The following KIRREL3 variants were observed in gnomAD, a reference collection of about 807,000 sequenced individuals.
KIRREL3 encodes the protein kin of IRRE-like protein 3.
Under a neutral mutation model 89.7 loss-of-function variants are expected in KIRREL3, and 36 were observed. That is an observed-to-expected ratio of 0.40 (90% CI 0.31 to 0.53). The LOEUF (loss-of-function observed/expected upper bound fraction) is 0.53. Among genes scored for constraint, KIRREL3 ranks in the 20% least tolerant of loss-of-function variants. The pLI is 0.49. For synonymous variants in KIRREL3, 445 were observed against 441.4 expected (o/e 1.01, Z -0.10); for missense variants, 864 against 1,056.6 (o/e 0.82, Z 2.53).
rs528570572 is a variant in KIRREL3, at chr11:126,640,882, A to G, written c.56-77970T>C. Among the ~76,000 whole-genome samples the G allele has an allele frequency of 7.9e-5, 12 of 151,990 alleles. 1 individual carries two copies. In the South Asian group the frequency reaches 2.1e-3, roughly 26 times the overall value. Reference sequence around the variant, plus strand: ...ATTGGAGTCCTTGGATCTCTTCTCAATCTTATGGCTTTAAACACCGACTCT... The same window carrying G: ...ATTGGAGTCCTTGGATCTCTTCTCAGTCTTATGGCTTTAAACACCGACTCT... On this transcript the variant is annotated intron_variant, in intron 1 of 16. Transcript: ENST00000525144. This position sits in a 1 kb window ranked among gnomAD's most constrained non-coding sequence, Gnocchi z 4.9.
chr11:126,836,714 T>A (rs938583530), intron 1 of KIRREL3, among the ~76,000 whole-genome samples: 1 of 152,152 alleles, frequency 6.6e-6, no homozygotes, highest in African/African-American at 2.4e-5. Context: ...AGAGTTATCA[T>A]CTCCTAGTGC....
chr11:126,785,903 G>A (rs1317231462), intron 1 of KIRREL3, among the ~76,000 whole-genome samples: 63 of 76,114 alleles, frequency 8.3e-4, no homozygotes, highest in Non-Finnish European at 1.1e-3. Flanking sequence ...AAAAAAAAAA[G>A]CCTACAGAAT....
rs989073648 is a variant in KIRREL3, at chr11:126,997,358, G to A, written c.55+3097C>T. On this transcript the variant is annotated intron_variant, in intron 1 of 16. Coordinates refer to ENST00000525144, the MANE Select transcript of KIRREL3 (RefSeq NM_032531.4). The surrounding 1 kb of genome is among the most constrained non-coding windows in gnomAD (Gnocchi z 4.3). ...ACCGTCCTGACAGCTGAGGGAAGAG[G>A]CATCCACGGCAAGGGAGAAGCCCAC... Among the ~76,000 whole-genome samples, 2 of 152,126 alleles carry A rather than the reference G, an allele frequency of 1.3e-5. No homozygotes were observed. The highest frequency in any genetic ancestry group is 4.8e-5 in the African/African-American group (2 of 41,410).
chr11:126,662,583 GC>G (rs2135020291), intron 1 of KIRREL3, among the ~76,000 whole-genome samples: 1 of 152,328 alleles, frequency 6.6e-6, no homozygotes, highest in Non-Finnish European at 1.5e-5. Flanking sequence ...ACTGCATAAA[GC>G]CTCTTGCATA....
chr11:126,757,351 AG>A (rs1949538285), intron 1 of KIRREL3, among the ~76,000 whole-genome samples: 1 of 152,326 alleles, frequency 6.6e-6, no homozygotes, highest in African/African-American at 2.4e-5. Context: ...CCAACAATTC[AG>A]AAGTGCAGAG....
intron 2 of KIRREL3, among the ~76,000 whole-genome samples, chr11:126,529,862 T>G (rs1344377025): frequency 1.7e-4 from 8 of 46,884 alleles, no homozygotes; most frequent in Admixed American, 1.5e-3. Flanking sequence ...CCAATGAGTT[T>G]TTTTTTTTTT....
chr11:126,933,428 C>T (rs1033691260), intron 1 of KIRREL3, among the ~76,000 whole-genome samples: 3 of 151,348 alleles, frequency 2.0e-5, no homozygotes, highest in Non-Finnish European at 2.9e-5. Flanking sequence ...CTTAGGGGAA[C>T]CTCCTTTATA....
Position 126,571,477 on chromosome 11 carries a change from C to A in KIRREL3, c.56-8565G>T, listed in dbSNP as rs1180683022. ...TCACCAAGTGTCTGCCACCTGGGACCAGGCTCATGTAGTTCACCATCACAA... is the reference window on the plus strand; with the variant it reads ...TCACCAAGTGTCTGCCACCTGGGACAAGGCTCATGTAGTTCACCATCACAA... On this transcript the variant is annotated intron_variant, in intron 1 of 16. Coordinates refer to ENST00000525144, the MANE Select transcript of KIRREL3 (RefSeq NM_032531.4). The surrounding 1 kb of genome is among the most constrained non-coding windows in gnomAD (Gnocchi z 7.7). Among the ~76,000 whole-genome samples, 1 of 152,254 alleles carries A rather than the reference C, an allele frequency of 6.6e-6. No homozygotes were observed. Among genetic ancestry groups the A allele is most frequent in the Non-Finnish European group, 1.5e-5 (1 of 68,044 alleles).
intron 1 of KIRREL3, among the ~76,000 whole-genome samples, chr11:126,980,379 T>A (rs1178847373): frequency 6.6e-6 from 1 of 151,990 alleles, no homozygotes; most frequent in African/African-American, 2.4e-5. Flanking sequence ...CAAAGCTGGG[T>A]AAGGATGGAG....
intron 1 of KIRREL3, among the ~76,000 whole-genome samples, chr11:126,826,043 G>T (rs578075584): frequency 2.6e-4 from 39 of 152,266 alleles, no homozygotes; most frequent in African/African-American, 9.2e-4. Context: ...CTCTCAGCCT[G>T]GTTAGCTCCT....
rs887772250 is a variant in KIRREL3, at chr11:126,763,386, C to A, written c.56-200474G>T. On this transcript the variant is annotated intron_variant, in intron 1 of 16. Transcript: ENST00000525144. This position sits in a 1 kb window ranked among gnomAD's most constrained non-coding sequence, Gnocchi z 4.7. ...CAGTGCTCCTCACTTCCTCCATCTGCTCAGCACCCAACAGTGCTCTGATGC... is the reference window on the plus strand; with the variant it reads ...CAGTGCTCCTCACTTCCTCCATCTGATCAGCACCCAACAGTGCTCTGATGC... Among the ~76,000 whole-genome samples, 7 of 152,216 alleles carry A rather than the reference C, an allele frequency of 4.6e-5. No homozygotes were observed. The highest frequency in any genetic ancestry group is 1.4e-4 in the African/African-American group (6 of 41,454).
intron 1 of KIRREL3, among the ~76,000 whole-genome samples, chr11:126,873,295 G>T (rs1051952067): frequency 6.6e-6 from 1 of 152,132 alleles, no homozygotes; most frequent in African/African-American, 2.4e-5. Flanking sequence ...GCAAATGAAG[G>T]CTGAGGTATG....
intron 1 of KIRREL3, among the ~76,000 whole-genome samples, chr11:126,690,336 T>C (rs1056525431): frequency 6.6e-6 from 1 of 151,642 alleles, no homozygotes; most frequent in South Asian, 2.1e-4. Flanking sequence ...CAGGGAATGT[T>C]TGAAAGAAAT....
rs1347233963 is a variant in KIRREL3 at position 126,802,326 on chromosome 11, C to T, written c.55+198129G>A. On this transcript the variant is annotated intron_variant, in intron 1 of 16. Coordinates refer to ENST00000525144, the MANE Select transcript of KIRREL3 (RefSeq NM_032531.4). The surrounding 1 kb of genome is among the most constrained non-coding windows in gnomAD (Gnocchi z 5.2). The stretch of plus-strand genomic sequence containing the variant: ...AAGGAAAAGCAGCCCAGGGAGATGG[C>T]GTTAGTGCCAGGCGGCCCGTGGAGA... Among the ~76,000 whole-genome samples, 3 of 152,110 alleles carry T rather than the reference C, an allele frequency of 2.0e-5. No individual in the cohort carries two copies. The highest frequency in any genetic ancestry group is 4.8e-5 in the African/African-American group (2 of 41,408).
chr11:126,614,494 C>G lies in KIRREL3; in HGVS notation c.56-51582G>C, dbSNP rs1943263838. Among the ~76,000 whole-genome samples the G allele has an allele frequency of 1.3e-5, 2 of 152,128 alleles. No individual in the cohort carries two copies. The highest frequency in any genetic ancestry group is 4.1e-4 in the South Asian group (2 of 4,822). On this transcript the variant is annotated intron_variant, in intron 1 of 16. Transcript: ENST00000525144. This position sits in a 1 kb window ranked among gnomAD's most constrained non-coding sequence, Gnocchi z 4.6. The stretch of plus-strand genomic sequence containing the variant: ...TTGAAAACTACAGTGATACTCAGGC[C>G]CTTAGATCAATTAAATCAGACTTTC...
chr11:126,474,622 A>G lies in KIRREL3; in HGVS notation c.434-1156T>C, dbSNP rs1006963972. ...CTCTCCTGTCCCAGCCTTCCACTGCATTTTGTAGTAGGGTCAGAGACGGGT... is the reference window on the plus strand; with the variant it reads ...CTCTCCTGTCCCAGCCTTCCACTGCGTTTTGTAGTAGGGTCAGAGACGGGT... On this transcript the variant is annotated intron_variant, in intron 4 of 16. Transcript: ENST00000525144. The surrounding 1 kb of genome is among the most constrained non-coding windows in gnomAD (Gnocchi z 6.7). Among the ~76,000 whole-genome samples, 3 of 152,148 alleles carry G rather than the reference A, an allele frequency of 2.0e-5. No individual in the cohort carries two copies. The East Asian group carries it at 5.8e-4, about 29-fold the overall frequency.
intron 1 of KIRREL3, among the ~76,000 whole-genome samples, chr11:126,951,683 G>A (rs1475588478): frequency 6.6e-6 from 1 of 152,196 alleles, no homozygotes; most frequent in East Asian, 1.9e-4. Flanking sequence ...AACTTCAAGT[G>A]TCAGGCATTA....
rs1246643263 is a variant in KIRREL3 at position 126,490,011 on chromosome 11, G to A, written c.434-16545C>T. On this transcript the variant is annotated intron_variant, in intron 4 of 16. Coordinates refer to ENST00000525144, the MANE Select transcript of KIRREL3 (RefSeq NM_032531.4). This position sits in a 1 kb window ranked among gnomAD's most constrained non-coding sequence, Gnocchi z 4.2. ...AAATGAGACGTGTTGCTTGGAAGCA[G>A]CCCATGAGCTGCTTCGAGGAGTGAA... 1.3e-5 allele frequency among the ~76,000 whole-genome samples: 2 copies of A among 152,268 alleles called. No individual in the cohort carries two copies. The highest frequency in any genetic ancestry group is 2.1e-4 in the South Asian group (1 of 4,822).
At chr11:126,672,057 T>C (rs1945976025) in intron 1 of KIRREL3, among the ~76,000 whole-genome samples, 2 of 152,338 alleles carry the variant, frequency 1.3e-5, no homozygotes, top group South Asian at 4.1e-4. Flanking sequence ...GTTAATAAAC[T>C]TGGGTTTTTT....
Sources: gnomAD v4.1 joint callset for allele counts (sites outside exome capture counted in the v4.1 genomes callset) on GRCh38, gnomAD v4.1.1 for gene constraint, Gnocchi (gnomAD v3.1) non-coding constraint, MANE v1.5 for transcripts, NCBI Gene and HGNC (gene_info 2026-07-23, HGNC 2026-07-21) for gene names.